The following RAB2A variants were observed in gnomAD, a reference collection of about 807,000 sequenced individuals.
RAB2A encodes the protein RAB2A, member RAS oncogene family, also known as ras-related protein Rab-2A.
In RAB2A, 7 loss-of-function variants were observed where a neutral mutation model predicts 32.5. That is an observed-to-expected ratio of 0.22 (90% CI 0.12 to 0.40). The LOEUF is 0.40. Ranked by LOEUF, RAB2A falls within the 10% of genes least tolerant of loss-of-function variation. The pLI, the probability that RAB2A is intolerant of heterozygous loss-of-function variation, is 1.00. For synonymous variants in RAB2A, 79 were observed against 85.2 expected, an observed-to-expected ratio of 0.93 and a Z score of 0.40; for missense variants, 108 against 260.7, an observed-to-expected ratio of 0.41 and a Z score of 4.03.
chr8:60,534,343 T>C (rs552850283), intron 1 of RAB2A, among the ~76,000 whole-genome samples: 82 of 152,270 alleles, frequency 5.4e-4, no homozygotes, highest in African/African-American at 1.9e-3. Flanking sequence ...CCTGTAGTCC[T>C]AGCTACTAGG....
intron 1 of RAB2A, among the ~76,000 whole-genome samples, chr8:60,520,110 T>G (rs1191968782): frequency 6.6e-6 from 1 of 152,234 alleles, no homozygotes. Context: ...TCTCTCAGTA[T>G]GTGGGATAAA....
At chr8:60,605,234 A>G (rs1452252352) in intron 6 of RAB2A, among the ~76,000 whole-genome samples, 1 of 152,218 alleles carries the variant, frequency 6.6e-6, no homozygotes, top group South Asian at 2.1e-4. Flanking sequence ...GTGGGTGCAC[A>G]GAGTCCAAGA....
At chr8:60,601,866 G>C (rs1259220697) in intron 6 of RAB2A, among the ~76,000 whole-genome samples, 1 of 152,186 alleles carries the variant, frequency 6.6e-6, no homozygotes, top group Non-Finnish European at 1.5e-5. Flanking sequence ...CAATGAAGTT[G>C]ATAGAGCTGG....
intron 1 of RAB2A, among the ~76,000 whole-genome samples, chr8:60,550,141 G>C (rs1474581895): frequency 6.6e-6 from 1 of 152,184 alleles, no homozygotes; most frequent in Non-Finnish European, 1.5e-5. Context: ...AACTGGAACT[G>C]ATGATCTGTC....
At chr8:60,578,614 T>G (rs193289319) in intron 3 of RAB2A, among the ~76,000 whole-genome samples, 1 of 152,368 alleles carries the variant, frequency 6.6e-6, no homozygotes, top group Admixed American at 6.5e-5. Flanking sequence ...AGAGGTCTGA[T>G]TCTCAAGAGC....
chr8:60,526,020 CATATATATATATATATATAT>C lies in RAB2A; in HGVS notation c.46+8785_46+8804del, dbSNP rs146162692. On this transcript the variant is annotated intron_variant, in intron 1 of 7. Coordinates refer to ENST00000262646, the MANE Select transcript of RAB2A (RefSeq NM_002865.3). ...CTATATGTATATATGTGTGTGTGTA[CATATATATATATATATATAT>C]ATATATATATATATATAAGTTTTCT... Among the ~76,000 whole-genome samples the C allele has an allele frequency of 8.1e-3, 746 of 92,348 alleles. 16 individuals carry two copies. The highest frequency in any genetic ancestry group is 0.024 in the African/African-American group (644 of 26,380). 60.6% of individuals were successfully genotyped at this position (92,348 alleles called of 152,430 possible).
chr8:60,605,000 G>C (rs1377090679), intron 6 of RAB2A, among the ~76,000 whole-genome samples: 11 of 152,218 alleles, frequency 7.2e-5, no homozygotes, highest in Admixed American at 7.2e-4. Flanking sequence ...GACTTCACAG[G>C]AGCCCCTCCC....
At position 60,620,935 on chromosome 8, in the gene RAB2A, C is replaced by T. The variant is rs536539749; in HGVS notation, c.*166C>T. 21 of 563,918 alleles carry T rather than the reference C, an allele frequency of 3.7e-5. No homozygotes were observed. The highest frequency in any genetic ancestry group is 5.8e-5 in the Non-Finnish European group (19 of 328,702). The allele number at this position is 563,918 out of a possible 1,614,324, so 34.9% of individuals were successfully genotyped here. On this transcript the variant is annotated 3_prime_UTR_variant, in exon 8 of 8. Transcript: ENST00000262646. ...ACTTTGAATAAATGGTTAATGTTCA[C>T]TTAAAAGACAGATTTTGGAGATTGT...
Position 60,622,994 on chromosome 8 carries a change from T to C in RAB2A, c.*2225T>C, listed in dbSNP as rs1056278354. The C allele has an allele frequency of 6.6e-6, 1 of 152,232 alleles. No individual in the cohort carries two copies. The highest frequency in any genetic ancestry group is 2.4e-5 in the African/African-American group (1 of 41,460). The allele number at this position is 152,232 out of a possible 1,614,324, so 9.4% of individuals were successfully genotyped here. ...ACCTGCAGTTGAATTTGTAATATTGTAATTGAATTTTTAGTTGATCTTCGA... is the reference window on the plus strand; with the variant it reads ...ACCTGCAGTTGAATTTGTAATATTGCAATTGAATTTTTAGTTGATCTTCGA... On this transcript the variant is annotated 3_prime_UTR_variant, in exon 8 of 8. Transcript: ENST00000262646.
In RAB2A at chr8:60,517,341, C is replaced by T. The variant is rs556701924; in HGVS notation, c.46+88C>T. 53 of 1,222,276 alleles carry T rather than the reference C, an allele frequency of 4.3e-5. No individual in the cohort carries two copies. The African/African-American group carries it at 7.6e-4, about 17-fold the overall frequency. 75.7% of individuals were successfully genotyped at this position (1,222,276 alleles called of 1,614,324 possible). ...ACGGCGTCTGGCGGTGGCGGGGACG[C>T]GGACTCCACCCGGCGCCTCCCTCCT... On this transcript the variant is annotated intron_variant, in intron 1 of 7. Transcript: ENST00000262646.
intron 5 of RAB2A, among the ~76,000 whole-genome samples, chr8:60,585,159 A>G (rs1006220952): frequency 6.6e-6 from 1 of 152,226 alleles, no homozygotes; most frequent in Non-Finnish European, 1.5e-5. Context: ...ATTATATGGG[A>G]AAACCTTCTT....
intron 6 of RAB2A, among the ~76,000 whole-genome samples, chr8:60,602,317 AT>A (rs1372354316): frequency 6.6e-6 from 1 of 152,182 alleles, no homozygotes; most frequent in African/African-American, 2.4e-5. Context: ...TGCCAGAAAT[AT>A]TTTTACCTAT....
chr8:60,523,318 C>G (rs564197026), intron 1 of RAB2A, among the ~76,000 whole-genome samples: 1 of 151,440 alleles, frequency 6.6e-6, no homozygotes, highest in Admixed American at 6.6e-5. Flanking sequence ...CCACCACGCC[C>G]GGCTAATTTT....
At chr8:60,551,918 C>T (rs1397877206) in intron 1 of RAB2A, 1 of 129,610 alleles carries the variant, frequency 7.7e-6, no homozygotes, top group Non-Finnish European at 1.5e-5. Flanking sequence ...GACTGGAGTT[C>T]AGTGGCACGA....
intron 1 of RAB2A, among the ~76,000 whole-genome samples, chr8:60,534,552 C>T (rs1031537723): frequency 7.2e-5 from 11 of 152,108 alleles, no homozygotes; most frequent in Non-Finnish European, 1.0e-4. Context: ...AATAATTGTC[C>T]ACCTAATCAG....
intron 1 of RAB2A, among the ~76,000 whole-genome samples, chr8:60,522,006 C>T (rs991065024): frequency 1.3e-5 from 2 of 152,188 alleles, no homozygotes; most frequent in Admixed American, 1.3e-4. Context: ...CAAAGTTGTC[C>T]TCCTGGAATG....
intron 3 of RAB2A, among the ~76,000 whole-genome samples, chr8:60,581,200 G>A (rs914238722): frequency 6.6e-6 from 1 of 152,184 alleles, no homozygotes; most frequent in Non-Finnish European, 1.5e-5. Flanking sequence ...ATGACACTCA[G>A]AGGAGATGCT....
chr8:60,526,148 A>G, intron 1 of RAB2A, among the ~76,000 whole-genome samples: 1 of 151,264 alleles, frequency 6.6e-6, no homozygotes, highest in African/African-American at 2.4e-5. Flanking sequence ...CAGAAGTCTA[A>G]CGTGTCACTG....
intron 6 of RAB2A, among the ~76,000 whole-genome samples, chr8:60,599,959 GA>G (rs1483766994): frequency 1.3e-5 from 2 of 151,522 alleles, no homozygotes; most frequent in Non-Finnish European, 1.5e-5. Flanking sequence ...TAGATGAAAA[GA>G]CACATCTTCA....
Sources: allele counts gnomAD v4.1 joint callset (sites outside exome capture counted in the v4.1 genomes callset), GRCh38; gene constraint gnomAD v4.1.1; transcripts MANE v1.5; gene names NCBI Gene and HGNC (gene_info 2026-07-23, HGNC 2026-07-21).